ZNHIT6: variants seen among roughly 807,000 people sequenced by gnomAD.
ZNHIT6 encodes box C/D snoRNA protein 1.
A neutral mutation model predicts 57.2 loss-of-function variants in ZNHIT6; 45 were observed. The ratio of observed to expected loss-of-function variants is 0.79; its 90% CI spans 0.62 to 1.01. The LOEUF is 1.01. Ranked by LOEUF, ZNHIT6 falls within the 50% of genes least tolerant of loss-of-function variation. The pLI is 0.00. For missense variants in ZNHIT6, 528 were observed against 567.3 expected, an observed-to-expected ratio of 0.93 and a Z score of 0.70; for synonymous variants, 188 against 190.0, an observed-to-expected ratio of 0.99 and a Z score of 0.09.
At chr1:85,704,387 G>A (rs914019872) in intron 4 of ZNHIT6, among the ~76,000 whole-genome samples, 7 of 151,982 alleles carry the variant, frequency 4.6e-5, no homozygotes, top group African/African-American at 1.7e-4. Flanking sequence ...TTAAAAAAAT[G>A]CGTAAACAAA....
At position 85,698,003 on chromosome 1, in the gene ZNHIT6, A is replaced by C. The variant is rs1347130670; in HGVS notation, c.1019+4154T>G. On this transcript the variant is annotated intron_variant, in intron 5 of 9. Coordinates refer to ENST00000370574, the MANE Select transcript of ZNHIT6 (RefSeq NM_017953.4). ...TTACCTCTGAAAAAGCCACTATTTT[A>C]AAGTAGCTTGGGATCTACTCCAAAA... Among the ~76,000 whole-genome samples, 4 of 152,322 alleles carry C rather than the reference A, an allele frequency of 2.6e-5. No homozygotes were observed. The South Asian group carries it at 6.2e-4, about 24-fold the overall frequency.
At chr1:85,658,764 G>A (rs549293472) in intron 8 of ZNHIT6, among the ~76,000 whole-genome samples, 9 of 151,972 alleles carry the variant, frequency 5.9e-5, no homozygotes, top group South Asian at 2.1e-4. Flanking sequence ...ACAGCTACTC[G>A]GGAGGCTGAG....
At chr1:85,670,854 A>G (rs989747909) in intron 8 of ZNHIT6, among the ~76,000 whole-genome samples, 2 of 152,180 alleles carry the variant, frequency 1.3e-5, no homozygotes, top group African/African-American at 4.8e-5. Context: ...GAAGATGCTG[A>G]GCTGCAAGGT....
chr1:85,697,246 G>A (rs1276353252), intron 5 of ZNHIT6, among the ~76,000 whole-genome samples: 1 of 152,038 alleles, frequency 6.6e-6, no homozygotes, highest in Non-Finnish European at 1.5e-5. Flanking sequence ...TAAGCACTCT[G>A]TGTCATATAT....
chr1:85,703,145 G>A (rs1466009005), intron 4 of ZNHIT6, among the ~76,000 whole-genome samples: 1 of 152,062 alleles, frequency 6.6e-6, no homozygotes, highest in Non-Finnish European at 1.5e-5. Context: ...AATTCTAATA[G>A]CAGTGACCAA....
chr1:85,696,285 G>A (rs1662368703), intron 5 of ZNHIT6, among the ~76,000 whole-genome samples: 1 of 151,690 alleles, frequency 6.6e-6, no homozygotes, highest in Non-Finnish European at 1.5e-5. Flanking sequence ...AATTTTCTGT[G>A]GAGATGGCAT....
At chr1:85,672,745 G>T (rs1557846466) in intron 8 of ZNHIT6, among the ~76,000 whole-genome samples, 2 of 146,594 alleles carry the variant, frequency 1.4e-5, no homozygotes, top group Admixed American at 1.4e-4. Context: ...GTACTTAATG[G>T]TTTTTTTTGA....
At chr1:85,694,795 T>C (rs1453874123) in intron 5 of ZNHIT6, among the ~76,000 whole-genome samples, 2 of 152,146 alleles carry the variant, frequency 1.3e-5, no homozygotes, top group Admixed American at 6.5e-5. Flanking sequence ...GAAAAAACTT[T>C]AAATAGGTAA....
chr1:85,708,360 G>C lies in ZNHIT6; in HGVS notation c.-76C>G. ...CTGCACACCAATAGGAGGAATTACC[G>C]GTCGGAATACCTACGGCGGCCCACG... is the stretch of plus-strand genomic sequence containing the variant. On this transcript the variant is annotated 5_prime_UTR_variant, in exon 1 of 10. Coordinates refer to ENST00000370574, the MANE Select transcript of ZNHIT6 (RefSeq NM_017953.4). 6.6e-7 allele frequency: 1 copy of C among 1,505,844 alleles called. No homozygotes were observed. The highest frequency in any genetic ancestry group is 1.3e-5 in the South Asian group (1 of 77,052). The allele number at this position is 1,505,844 out of a possible 1,614,324, so 93.3% of individuals were successfully genotyped here. A position where few individuals can be genotyped will look rare whatever the true frequency, so the allele number is the denominator to read the frequency against.
chr1:85,701,670 T>C (rs562890631), intron 5 of ZNHIT6, among the ~76,000 whole-genome samples: 2 of 152,346 alleles, frequency 1.3e-5, no homozygotes, highest in South Asian at 2.1e-4. Flanking sequence ...GTCCTGTTTT[T>C]ACTCGTTTTG....
At chr1:85,700,251 C>A (rs764863918) in intron 5 of ZNHIT6, among the ~76,000 whole-genome samples, 1 of 152,110 alleles carries the variant, frequency 6.6e-6, no homozygotes, top group African/African-American at 2.4e-5. Context: ...TGAATTAATA[C>A]ACTAAAAGGC....
intron 5 of ZNHIT6, among the ~76,000 whole-genome samples, chr1:85,689,844 C>A (rs1278112381): frequency 1.3e-5 from 2 of 152,000 alleles, no homozygotes; most frequent in Admixed American, 6.6e-5. Flanking sequence ...TATGGGAAAG[C>A]CCCACAAAAC....
At position 85,667,947 on chromosome 1, in the gene ZNHIT6, C is replaced by CAAAAAAAAA. The variant is rs1156795211; in HGVS notation, c.1247+9280_1247+9288dup. 1.1e-3 allele frequency among the ~76,000 whole-genome samples: 10 copies of CAAAAAAAAA among 9,258 alleles called. 1 individual carries two copies. The highest frequency in any genetic ancestry group is 7.6e-3 in the Admixed American group (8 of 1,048). The allele number at this position is 9,258 out of a possible 152,430, so 6.1% of individuals were successfully genotyped here. ...AGACTCATTCACTCACTCTCTCTTTCAAAAAAAAAAAAAAATATATATATA... is the reference window on the plus strand; with the variant it reads ...AGACTCATTCACTCACTCTCTCTTTCAAAAAAAAAAAAAAAAAAAAAAAATATATATATA... On this transcript the variant is annotated intron_variant, in intron 8 of 9. Coordinates refer to ENST00000370574, the MANE Select transcript of ZNHIT6 (RefSeq NM_017953.4).
intron 5 of ZNHIT6, among the ~76,000 whole-genome samples, chr1:85,681,954 T>C (rs1434190697): frequency 6.6e-6 from 1 of 151,308 alleles, no homozygotes; most frequent in Non-Finnish European, 1.5e-5. Flanking sequence ...AGGAATACCA[T>C]AATAGCATTA....
At chr1:85,679,077 A>C (rs569420320) in intron 6 of ZNHIT6, among the ~76,000 whole-genome samples, 1 of 152,284 alleles carries the variant, frequency 6.6e-6, no homozygotes, top group East Asian at 1.9e-4. Context: ...TCAAACATGA[A>C]AAGACGAGGT....
chr1:85,690,888 T>C (rs1662195798), intron 5 of ZNHIT6, among the ~76,000 whole-genome samples: 1 of 151,968 alleles, frequency 6.6e-6, no homozygotes. Context: ...TAGCCAGGCG[T>C]GGTGGGGCTT....
chr1:85,691,956 G>A (rs1185859868), intron 5 of ZNHIT6, among the ~76,000 whole-genome samples: 1 of 152,112 alleles, frequency 6.6e-6, no homozygotes, highest in Non-Finnish European at 1.5e-5. Flanking sequence ...ATTACCTGAG[G>A]TCAGGAGTTC....
intron 5 of ZNHIT6, among the ~76,000 whole-genome samples, chr1:85,683,334 T>C (rs910802737): frequency 6.6e-6 from 1 of 152,144 alleles, no homozygotes; most frequent in Non-Finnish European, 1.5e-5. Context: ...CTGGCTCACA[T>C]GGTGAAACCC....
In ZNHIT6 at chr1:85,667,961, A is replaced by AAAAAAAAAAAAAAAAAAAAATGTAT; in HGVS notation, c.1247+9274_1247+9275insATACATTTTTTTTTTTTTTTTTTTT. ...ACTCTCTCTTTCAAAAAAAAAAAAAAATATATATATATATATATATATATG... is the reference window on the plus strand; with the variant it reads ...ACTCTCTCTTTCAAAAAAAAAAAAAAAAAAAAAAAAAAAAAAAAAATGTATATATATATATATATATATATATATG... On this transcript the variant is annotated intron_variant, in intron 8 of 9. Transcript: ENST00000370574. 3.3e-3 allele frequency among the ~76,000 whole-genome samples: 60 copies of AAAAAAAAAAAAAAAAAAAAATGTAT among 18,192 alleles called. 15 individuals carry two copies. The highest frequency in any genetic ancestry group is 0.013 in the African/African-American group (60 of 4,704). 11.9% of individuals were successfully genotyped at this position (18,192 alleles called of 152,430 possible).
Sources: gnomAD v4.1 joint callset for allele counts (sites outside exome capture counted in the v4.1 genomes callset) on GRCh38, gnomAD v4.1.1 for gene constraint, MANE v1.5 for transcripts, NCBI Gene and HGNC (gene_info 2026-07-23, HGNC 2026-07-21) for gene names.